The following CDH23 variants were observed in gnomAD, a reference collection of about 807,000 sequenced individuals.
CDH23 encodes cadherin related 23.
Under a neutral mutation model 317.1 loss-of-function variants are expected in CDH23, and 189 were observed. The ratio of observed to expected loss-of-function variants is 0.60; its 90% CI spans 0.53 to 0.67. CDH23 has a LOEUF of 0.67. Among genes scored for constraint, CDH23 ranks in the 30% least tolerant of loss-of-function variants. CDH23 has a pLI of 0.00. For synonymous variants in CDH23, 1,839 were observed against 1,876.8 expected (o/e 0.98, Z 0.52); for missense variants, 4,401 against 4,592.4 (o/e 0.96, Z 1.20).
intron 49 of CDH23, among the ~76,000 whole-genome samples, chr10:71,797,737 C>T (rs189325681): frequency 1.3e-5 from 2 of 152,288 alleles, no homozygotes; most frequent in East Asian, 1.9e-4. Flanking sequence ...TTCTGCCAAT[C>T]GGGCCCAGGC....
chr10:71,680,810 CTT>C (rs562449159), intron 17 of CDH23, among the ~76,000 whole-genome samples: 14 of 100,594 alleles, frequency 1.4e-4, no homozygotes, highest in East Asian at 1.1e-3. Context: ...CTCTGTCTTT[CTT>C]TTTTTTTTTT....
At chr10:71,746,825 C>T (rs1839862597) in intron 38 of CDH23, among the ~76,000 whole-genome samples, 2 of 152,182 alleles carry the variant, frequency 1.3e-5, no homozygotes, top group African/African-American at 4.8e-5. Context: ...CCTATCCAGG[C>T]AGAAGGACAG....
intron 14 of CDH23, among the ~76,000 whole-genome samples, chr10:71,669,598 C>T (rs1484671597): frequency 1.3e-5 from 2 of 152,102 alleles, no homozygotes; most frequent in Non-Finnish European, 2.9e-5. Flanking sequence ...CAGGCATGTG[C>T]CACTATGTCC....
chr10:71,577,844 G>A (rs1372663461), intron 8 of CDH23, 70 bp from the exon 9 acceptor site: 4 of 1,324,974 alleles, frequency 3.0e-6, no homozygotes, highest in Non-Finnish European at 4.2e-6. Context: ...AGCTGTGGGT[G>A]CCATGATAGC....
At position 71,444,429 on chromosome 10, in the gene CDH23, C is replaced by G. The variant is rs548599557; in HGVS notation, c.68-1889C>G. ...CTGTCTGAGGCTGTTGTGCTCCTGA[C>G]AGGAGACTGGGGAGGTGTGTACGTG... On this transcript the variant is annotated intron_variant, in intron 2 of 69. Coordinates refer to ENST00000224721, the MANE Select transcript of CDH23 (RefSeq NM_022124.6). Among the ~76,000 whole-genome samples the G allele has an allele frequency of 7.2e-5, 11 of 152,298 alleles. No individual in the cohort carries two copies. The East Asian group carries it at 1.7e-3, about 24-fold the overall frequency.
chr10:71,656,881 G>A (rs1432734488), intron 14 of CDH23, among the ~76,000 whole-genome samples: 1 of 152,138 alleles, frequency 6.6e-6, no homozygotes, highest in Non-Finnish European at 1.5e-5. Flanking sequence ...CCCTGAGGAT[G>A]GATCTCCTCG....
chr10:71,518,423 G>A (rs1203070413), intron 6 of CDH23, among the ~76,000 whole-genome samples: 1 of 152,200 alleles, frequency 6.6e-6, no homozygotes, highest in Non-Finnish European at 1.5e-5. Flanking sequence ...GCTGGGGTAA[G>A]CGACAGGGAA....
chr10:71,550,079 C>T (rs1158401864), intron 6 of CDH23, among the ~76,000 whole-genome samples: 1 of 152,268 alleles, frequency 6.6e-6, no homozygotes, highest in East Asian at 1.9e-4. Context: ...GAGCTGAGTC[C>T]CAAGACTGGC....
At chr10:71,498,812 A>G (rs938051088) in intron 3 of CDH23, among the ~76,000 whole-genome samples, 2 of 152,196 alleles carry the variant, frequency 1.3e-5, no homozygotes, top group African/African-American at 4.8e-5. Flanking sequence ...TCAGAGGCAG[A>G]GGAGCTCCGG....
At position 71,806,204 on chromosome 10, in the gene CDH23, C is replaced by A; in HGVS notation, c.8101C>A (p.Pro2701Thr). 2 of 1,577,704 alleles carry A rather than the reference C, an allele frequency of 1.3e-6. No individual in the cohort carries two copies. The highest frequency in any genetic ancestry group is 1.7e-6 in the Non-Finnish European group (2 of 1,161,962). Residue 2701 changes from proline to threonine, a missense_variant, in exon 57 of 70, where the codon CCA (proline) becomes ACA (threonine). Physicochemically the swap from Pro to Thr is conservative, Grantham distance 38. This residue lies in a region of CDH23 where 1,144 missense variants were observed against 1,138.2 expected (regional missense o/e 1.01). Transcript: ENST00000224721. ...GGCCAGCGACCTGGGCCAGCCAGTG[C>A]CATACGAGACTATGCAGCCGCTGCA... Reference protein sequence around the residue: ...LVASDLGQPVPYETMQPLQVA... With the variant: ...LVASDLGQPVTYETMQPLQVA...
chr10:71,653,595 A>G (rs551035023), intron 14 of CDH23, among the ~76,000 whole-genome samples: 107 of 152,350 alleles, frequency 7.0e-4, no homozygotes, highest in Middle Eastern at 3.4e-3. Flanking sequence ...CTCTGCCCCC[A>G]GCAGAAGGAC....
rs1322344673 is a variant in CDH23 at position 71,810,783 on chromosome 10, A to G, written c.9077+214A>G. On this transcript the variant is annotated intron_variant, in intron 62 of 69. Transcript: ENST00000224721. Reference sequence around the variant, plus strand: ...TCTGAGCCTCCCTCTCCCCATCTGTAACATGGGAGTATTCAGGCCATGCGC... The same window carrying G: ...TCTGAGCCTCCCTCTCCCCATCTGTGACATGGGAGTATTCAGGCCATGCGC... 2.0e-5 allele frequency among the ~76,000 whole-genome samples: 3 copies of G among 152,262 alleles called. No homozygotes were observed. The East Asian group carries it at 5.8e-4, about 29-fold the overall frequency.
chr10:71,495,275 C>T (rs894521166), intron 3 of CDH23, among the ~76,000 whole-genome samples: 4 of 152,124 alleles, frequency 2.6e-5, no homozygotes, highest in African/African-American at 7.2e-5. Flanking sequence ...TTACGAGTCT[C>T]CTCAAAGAGG....
chr10:71,448,584 C>T (rs1222807756), intron 3 of CDH23, among the ~76,000 whole-genome samples: 1 of 152,228 alleles, frequency 6.6e-6, no homozygotes, highest in Non-Finnish European at 1.5e-5. Flanking sequence ...AACAGCACAG[C>T]TTTCACCTGA....
chr10:71,597,168 C>T (rs1353273545), intron 9 of CDH23, among the ~76,000 whole-genome samples: 1 of 152,062 alleles, frequency 6.6e-6, no homozygotes, highest in Non-Finnish European at 1.5e-5. Context: ...AGATTGATAA[C>T]CCAGGCCTGG....
intron 3 of CDH23, among the ~76,000 whole-genome samples, chr10:71,491,536 G>A (rs11598284): frequency 0.013 from 1,931 of 152,246 alleles, 18 homozygotes; most frequent in Middle Eastern, 0.037. Context: ...GGTGTTTTTG[G>A]AGGAGTGAGC....
chr10:71,790,303 T>A lies in CDH23; in HGVS notation c.5939T>A (p.Val1980Glu). 3.7e-6 allele frequency: 6 copies of A among 1,613,730 alleles called. No individual in the cohort carries two copies. Among genetic ancestry groups the A allele is most frequent in the Non-Finnish European group, 5.1e-6 (6 of 1,179,822 alleles). ...ENSPAGTPLT[V>E]LNGPILALDA... is the part of the protein sequence containing the mutation. ...TCTGGCCCAGGCACCCCTCTCACGG[T>A]GCTCAATGGGCCCATCCTGGCCCTG... The change falls in exon 46 of 70, where the codon GTG becomes GAG. Residue 1980 changes from valine (V) to glutamate (E), a missense_variant. Coordinates refer to ENST00000224721, the MANE Select transcript of CDH23 (RefSeq NM_022124.6).
At position 71,724,072 on chromosome 10, in the gene CDH23, G is replaced by A. The variant is rs111033509; in HGVS notation, c.3397G>A (p.Glu1133Lys). 6.0e-5 allele frequency: 93 copies of A among 1,560,284 alleles called. No individual in the cohort carries two copies. The East Asian group carries it at 1.2e-3, about 21-fold the overall frequency. Residue 1133 changes from glutamate (E) to lysine (K), a missense_variant, in exon 29 of 70, where the codon GAG (glutamate) becomes AAG (lysine). Transcript: ENST00000224721. ...GAAAGCCACGGACGCAGATGAGGGC[G>A]AGTTTGGGCGTGTGTGGTACCGCAT... Reference protein sequence around the residue: ...QLKATDADEGEFGRVWYRILH... With the variant: ...QLKATDADEGKFGRVWYRILH...
In CDH23 at chr10:71,806,224, G is replaced by T. The variant is rs377535432; in HGVS notation, c.8121G>T (p.Pro2707=). ...CAGTGCCATACGAGACTATGCAGCC[G>T]CTGCAGGTGGCCCTGGAGGACATCG... The part of the protein sequence containing the change: ...GQPVPYETMQ[P]LQVALEDIDD... Residue 2707 remains proline, a synonymous_variant, in exon 57 of 70, where the codon CCG becomes CCT. Coordinates refer to ENST00000224721, the MANE Select transcript of CDH23 (RefSeq NM_022124.6). 6.1e-4 allele frequency: 967 copies of T among 1,578,332 alleles called. 12 individuals are homozygous for T. In the South Asian group the frequency reaches 9.2e-3, roughly 15 times the overall value.
Sources: gnomAD v4.1 joint callset for allele counts (sites outside exome capture counted in the v4.1 genomes callset) on GRCh38, gnomAD v4.1.1 for gene constraint, gnomAD v4.1.1 regional missense constraint, MANE v1.5 for transcripts, NCBI Gene and HGNC (gene_info 2026-07-23, HGNC 2026-07-21) for gene names.